Variants in PPP1R12A observed in about 807,000 individuals in gnomAD.
The protein encoded by PPP1R12A is myosin binding subunit.
A neutral mutation model predicts 139.6 loss-of-function variants in PPP1R12A; 19 were observed. That is an observed-to-expected ratio of 0.14 (90% CI 0.09 to 0.20). PPP1R12A has a LOEUF of 0.20. PPP1R12A is among the 10% of genes least tolerant of loss of function. PPP1R12A has a pLI of 1.00. For synonymous variants in PPP1R12A, 427 were observed against 420.6 expected (o/e 1.02, Z -0.19); for missense variants, 925 against 1,211.5 (o/e 0.76, Z 3.51).
chr12:79,822,156 A>G lies in PPP1R12A; in HGVS notation c.827T>C (p.Ile276Thr), dbSNP rs1876195382. 1.3e-6 allele frequency: 2 copies of G among 1,590,772 alleles called. No individual in the cohort carries two copies. The highest frequency in any genetic ancestry group is 1.8e-5 in the Admixed American group (1 of 57,094). ...TTGCAACTCTTCTAAATATCCTAAA[A>G]TGTCTTCATCTGCTACATCAAAGGC... is the stretch of plus-strand genomic sequence containing the variant. The part of the protein sequence containing the change: ...QTAFDVADED[I>T]LGYLEELQKK... The change falls in exon 6 of 25, where the codon ATT (isoleucine) becomes ACT (threonine). Residue 276 changes from isoleucine (I) to threonine (T), a missense_variant. Physicochemically the swap from Ile to Thr is moderately conservative, Grantham distance 89 (BLOSUM62 -1). Coordinates refer to ENST00000450142, the MANE Select transcript of PPP1R12A (RefSeq NM_002480.3).
rs779940246 is a variant in PPP1R12A at position 79,797,280 on chromosome 12, T to C, written c.2207A>G (p.Asp736Gly). The C allele has an allele frequency of 1.9e-6, 3 of 1,587,606 alleles. No individual in the cohort carries two copies. The highest frequency in any genetic ancestry group is 2.6e-6 in the Non-Finnish European group (3 of 1,165,204). Residue 736 changes from aspartate to glycine, a missense_variant, in exon 16 of 25, where the codon GAT (aspartate) becomes GGT (glycine). This residue lies in a region of PPP1R12A where 315 missense variants were observed against 363.4 expected (regional missense o/e 0.87). Transcript: ENST00000450142. ...EKEKEEKEKQ[D>G]KEKQEEKKES... ...CTTCTTTTCTTCTTGTTTCTCTTTATCTTGTTTCTCTTTTTCCTCTTTTTC... is the reference window on the plus strand; with the variant it reads ...CTTCTTTTCTTCTTGTTTCTCTTTACCTTGTTTCTCTTTTTCCTCTTTTTC...
At chr12:79,921,114 G>A (rs931568519) in intron 1 of PPP1R12A, among the ~76,000 whole-genome samples, 1 of 152,084 alleles carries the variant, frequency 6.6e-6, no homozygotes, top group Non-Finnish European at 1.5e-5. Context: ...GTAGTGTCTG[G>A]CACAGAAGAG....
intron 1 of PPP1R12A, among the ~76,000 whole-genome samples, chr12:79,932,399 A>C (rs1381988878): frequency 2.0e-5 from 3 of 152,230 alleles, no homozygotes; most frequent in African/African-American, 7.2e-5. Flanking sequence ...GAGTTGATAA[A>C]TAAGAAATGA....
chr12:79,785,337 GCA>G (rs972345739), intron 22 of PPP1R12A, among the ~76,000 whole-genome samples: 2 of 152,160 alleles, frequency 1.3e-5, no homozygotes, highest in African/African-American at 2.4e-5. Context: ...TAGCTACCGT[GCA>G]CAGACAATCG....
At position 79,872,927 on chromosome 12, in the gene PPP1R12A, A is replaced by G. The variant is rs1882717280; in HGVS notation, c.249T>C (p.Asp83=). 1.9e-6 allele frequency: 3 copies of G among 1,612,860 alleles called. No homozygotes were observed. The highest frequency in any genetic ancestry group is 2.5e-6 in the Non-Finnish European group (3 of 1,179,510). ...GLTALHQACI[D]DNVDMVKFLV... is the part of the protein sequence containing the mutation. ...GAAACTTCACCATATCAACATTGTC[A>G]TCAATGCAAGCCTAAAAACAAAACA... Residue 83 remains aspartate, a synonymous_variant, in exon 2 of 25, where the codon GAT becomes GAC. Transcript: ENST00000450142.
At chr12:79,793,566 C>A (rs930747122) in intron 19 of PPP1R12A, among the ~76,000 whole-genome samples, 6 of 152,092 alleles carry the variant, frequency 3.9e-5, no homozygotes, top group African/African-American at 1.4e-4. Context: ...AAATGACATA[C>A]ATTAAATTAC....
intron 22 of PPP1R12A, 81 bp downstream of exon 22, chr12:79,786,293 A>C (rs1871121289): frequency 3.7e-6 from 3 of 812,758 alleles, no homozygotes; most frequent in East Asian, 6.0e-5. Flanking sequence ...TTAGAGTATT[A>C]GAAAAAATTT....
chr12:79,788,733 C>T lies in PPP1R12A; in HGVS notation c.2717G>A (p.Gly906Asp). ...TAAGTAACTGTATGATCCAGAGCGA[C>T]CCAGCAAGGAATCATATCGATCACC... ...SAGDRYDSLLGRSGSYSYLEE... is the reference protein window; with the variant it reads ...SAGDRYDSLLDRSGSYSYLEE... The change falls in exon 21 of 25, where the codon GGT becomes GAT. Residue 906 changes from glycine (G) to aspartate (D), a missense_variant. This residue lies in a region of PPP1R12A where 315 missense variants were observed against 363.4 expected (regional missense o/e 0.87). Coordinates refer to ENST00000450142, the MANE Select transcript of PPP1R12A (RefSeq NM_002480.3). The T allele has an allele frequency of 6.2e-7, 1 of 1,612,844 alleles. No homozygotes were observed. Among genetic ancestry groups the T allele is most frequent in the South Asian group, 1.1e-5 (1 of 90,980 alleles).
chr12:79,871,776 C>T (rs1017298327), intron 2 of PPP1R12A, among the ~76,000 whole-genome samples: 14 of 151,730 alleles, frequency 9.2e-5, no homozygotes, highest in African/African-American at 3.2e-4. Flanking sequence ...CGAGATTGAG[C>T]GGGAAAAGTA....
intron 20 of PPP1R12A, 130 bp from the exon 21 acceptor site, chr12:79,788,913 A>C: frequency 1.3e-6 from 1 of 756,908 alleles, no homozygotes; most frequent in African/African-American, 1.8e-5. Flanking sequence ...TATCTGATTA[A>C]TTTTTGTGAT....
intron 1 of PPP1R12A, among the ~76,000 whole-genome samples, chr12:79,905,926 G>A (rs753722839): frequency 3.9e-5 from 6 of 152,154 alleles, no homozygotes; most frequent in African/African-American, 1.4e-4. Context: ...GGTCAAACTG[G>A]TGCGAAACTT....
intron 23 of PPP1R12A, among the ~76,000 whole-genome samples, chr12:79,781,554 T>G (rs2136972844): frequency 6.6e-6 from 1 of 152,218 alleles, no homozygotes; most frequent in South Asian, 2.1e-4. Flanking sequence ...ATAGTACATT[T>G]CAGAATCAAG....
intron 1 of PPP1R12A, among the ~76,000 whole-genome samples, chr12:79,917,569 C>T (rs1053576897): frequency 6.6e-6 from 1 of 151,046 alleles, no homozygotes; most frequent in African/African-American, 2.4e-5. Flanking sequence ...CTGATGCTTA[C>T]TCAAAGTCAA....
At chr12:79,912,172 A>G (rs1336778650) in intron 1 of PPP1R12A, among the ~76,000 whole-genome samples, 1 of 152,108 alleles carries the variant, frequency 6.6e-6, no homozygotes, top group Non-Finnish European at 1.5e-5. Flanking sequence ...CCAAGTTACA[A>G]CTACTGGTCT....
At chr12:79,845,690 G>C (rs1879293880) in intron 2 of PPP1R12A, among the ~76,000 whole-genome samples, 1 of 152,004 alleles carries the variant, frequency 6.6e-6, no homozygotes, top group Non-Finnish European at 1.5e-5. Flanking sequence ...CAAAAAATTA[G>C]CCGGGCGTGG....
chr12:79,843,909 TGGTC>T, intron 3 of PPP1R12A, among the ~76,000 whole-genome samples: 1 of 152,044 alleles, frequency 6.6e-6, no homozygotes, highest in African/African-American at 2.4e-5. Flanking sequence ...TTCACCATGT[TGGTC>T]AGGCTGGTCT....
chr12:79,913,290 T>C (rs1261359969), intron 1 of PPP1R12A, among the ~76,000 whole-genome samples: 4 of 152,252 alleles, frequency 2.6e-5, no homozygotes, highest in Admixed American at 6.5e-5. Flanking sequence ...TATGAAGATA[T>C]TCTCATAGTT....
chr12:79,918,094 TCTGAA>T (rs906014167), intron 1 of PPP1R12A, among the ~76,000 whole-genome samples: 16 of 152,150 alleles, frequency 1.1e-4, no homozygotes, highest in African/African-American at 3.6e-4. Flanking sequence ...TACTAATTCT[TCTGAA>T]CTGAAAAGTA....
At chr12:79,913,134 C>T (rs1475624784) in intron 1 of PPP1R12A, among the ~76,000 whole-genome samples, 1 of 152,106 alleles carries the variant, frequency 6.6e-6, no homozygotes, top group Non-Finnish European at 1.5e-5. Flanking sequence ...TGTTTATTAC[C>T]AATAGAATAT....
Sources: allele counts gnomAD v4.1 joint callset (sites outside exome capture counted in the v4.1 genomes callset), GRCh38; gene constraint gnomAD v4.1.1; regional missense constraint gnomAD v4.1.1; transcripts MANE v1.5; gene names NCBI Gene and HGNC (gene_info 2026-07-23, HGNC 2026-07-21).